JAZF1: variants seen among roughly 807,000 people sequenced by gnomAD.
JAZF1 encodes the protein juxtaposed with another zinc finger protein 1.
Under a neutral mutation model 26.4 loss-of-function variants are expected in JAZF1, and 8 were observed. The observed-to-expected ratio is 0.30, with a 90% CI of 0.18 to 0.55. The LOEUF (loss-of-function observed/expected upper bound fraction) is 0.55. Ranked by LOEUF, JAZF1 falls within the 20% of genes least tolerant of loss-of-function variation. JAZF1 has a pLI of 0.94. For synonymous variants in JAZF1, 126 were observed against 122.3 expected (o/e 1.03, Z -0.20); for missense variants, 199 against 322.0 (o/e 0.62, Z 2.92).
Position 27,897,742 on chromosome 7 carries a change from C to T in JAZF1, c.189-2326G>A, listed in dbSNP as rs938464783. The stretch of plus-strand genomic sequence containing the variant: ...TTCAAGAGCTTTGGCTCCTATGGGG[C>T]GTGAGGCTCTTCTACCAGGATAGCT... On this transcript the variant is annotated intron_variant, in intron 2 of 4. Transcript: ENST00000283928. 8.5e-5 allele frequency among the ~76,000 whole-genome samples: 13 copies of T among 152,190 alleles called. No individual in the cohort carries two copies. The South Asian group carries it at 1.7e-3, about 19-fold the overall frequency.
At chr7:27,875,653 G>C (rs1450985299) in intron 3 of JAZF1, among the ~76,000 whole-genome samples, 1 of 152,184 alleles carries the variant, frequency 6.6e-6, no homozygotes, top group Non-Finnish European at 1.5e-5. Context: ...GGCTAGGCAG[G>C]TGCCTGCCCT....
chr7:28,090,734 A>G (rs1784280272), intron 1 of JAZF1, among the ~76,000 whole-genome samples: 2 of 151,948 alleles, frequency 1.3e-5, no homozygotes, highest in South Asian at 2.1e-4. Context: ...CCGACTTTTA[A>G]CCACACCTCC....
At chr7:27,881,096 A>T (rs1783763336) in intron 3 of JAZF1, among the ~76,000 whole-genome samples, 1 of 152,158 alleles carries the variant, frequency 6.6e-6, no homozygotes, top group Admixed American at 6.5e-5. Flanking sequence ...TTTTTCTTTG[A>T]TTTAAAGAAA....
At chr7:27,882,282 A>G (rs560088111) in intron 3 of JAZF1, among the ~76,000 whole-genome samples, 4 of 152,018 alleles carry the variant, frequency 2.6e-5, no homozygotes, top group Non-Finnish European at 5.9e-5. Flanking sequence ...TATGTGTTCC[A>G]TACCAAGCAG....
At chr7:27,996,658 G>A (rs1334408957) in intron 1 of JAZF1, among the ~76,000 whole-genome samples, 1 of 152,182 alleles carries the variant, frequency 6.6e-6, no homozygotes, top group Non-Finnish European at 1.5e-5. Context: ...ACAACATTCC[G>A]TGTGGAGTTT....
At chr7:28,052,376 T>C (rs556848067) in intron 1 of JAZF1, among the ~76,000 whole-genome samples, 3 of 152,380 alleles carry the variant, frequency 2.0e-5, no homozygotes, top group African/African-American at 7.2e-5. Context: ...TTTGAGTTTC[T>C]GGAGTCAGTT....
At chr7:28,143,914 C>A (rs1782991359) in intron 1 of JAZF1, among the ~76,000 whole-genome samples, 1 of 152,174 alleles carries the variant, frequency 6.6e-6, no homozygotes, top group African/African-American at 2.4e-5. Flanking sequence ...AATCAATTTT[C>A]ATTTCGTGCT....
At position 27,832,558 on chromosome 7, in the gene JAZF1, C is replaced by CT. The variant is rs1177944178; in HGVS notation, c.*241dup. On this transcript the variant is annotated 3_prime_UTR_variant, in exon 5 of 5. Coordinates refer to ENST00000283928, the MANE Select transcript of JAZF1 (RefSeq NM_175061.4). ...GGGAAATGTGCTGAAGAACCTAGAG[C>CT]TTTTTTTGTTTAGCACCTTATATCA... 3.2e-6 allele frequency: 1 copy of CT among 309,990 alleles called. No homozygotes were observed. Among genetic ancestry groups the CT allele is most frequent in the Non-Finnish European group, 5.9e-6 (1 of 168,260 alleles). 19.2% of individuals were successfully genotyped at this position (309,990 alleles called of 1,614,324 possible).
At chr7:27,906,085 C>CCACTTTTTTAAACCAGTAGTA (rs1784251164) in intron 2 of JAZF1, among the ~76,000 whole-genome samples, 4 of 152,142 alleles carry the variant, frequency 2.6e-5, no homozygotes, top group African/African-American at 9.7e-5. Flanking sequence ...CCAAACAGAA[C>CCACTTTTTTAAACCAGTAGTA]TCTTAAATTT....
intron 3 of JAZF1, among the ~76,000 whole-genome samples, chr7:27,872,479 G>A (rs1220075902): frequency 6.6e-6 from 1 of 152,180 alleles, no homozygotes; most frequent in African/African-American, 2.4e-5. Flanking sequence ...GTGCTCTGTG[G>A]CAAGGGCAGC....
chr7:27,930,742 A>G (rs1019102710), intron 2 of JAZF1, among the ~76,000 whole-genome samples: 3 of 152,142 alleles, frequency 2.0e-5, no homozygotes, highest in Non-Finnish European at 4.4e-5. Flanking sequence ...TATAATCTAA[A>G]TTTTGCATTC....
chr7:28,015,033 ATGTGTG>A (rs397804972), intron 1 of JAZF1, among the ~76,000 whole-genome samples: 44 of 140,774 alleles, frequency 3.1e-4, no homozygotes, highest in African/African-American at 1.2e-3. Context: ...GAAAGTGTGT[ATGTGTG>A]TGTGTGTGTG....
intron 1 of JAZF1, among the ~76,000 whole-genome samples, chr7:28,047,151 T>C (rs1046831021): frequency 6.6e-6 from 1 of 152,182 alleles, no homozygotes; most frequent in African/African-American, 2.4e-5. Context: ...CAACACTATA[T>C]ATTAAATATC....
chr7:28,151,761 A>G (rs1783114960), intron 1 of JAZF1, among the ~76,000 whole-genome samples: 1 of 152,062 alleles, frequency 6.6e-6, no homozygotes, highest in African/African-American at 2.4e-5. Context: ...ATTGCACTCC[A>G]GCCTGGACAA....
intron 1 of JAZF1, among the ~76,000 whole-genome samples, chr7:28,095,470 C>T (rs1286176527): frequency 6.6e-6 from 1 of 152,088 alleles, no homozygotes; most frequent in African/African-American, 2.4e-5. Context: ...AGAACTAACT[C>T]ACTATCATGA....
At chr7:28,093,012 C>T (rs919700105) in intron 1 of JAZF1, among the ~76,000 whole-genome samples, 2 of 152,134 alleles carry the variant, frequency 1.3e-5, no homozygotes, top group African/African-American at 4.8e-5. Context: ...GTTCTAGTTG[C>T]CATGTGCACT....
intron 1 of JAZF1, among the ~76,000 whole-genome samples, chr7:27,995,781 G>A (rs1260398123): frequency 6.6e-6 from 1 of 152,116 alleles, no homozygotes; most frequent in Non-Finnish European, 1.5e-5. Flanking sequence ...GCTTTCTGTA[G>A]CTCCTGTGGT....
intron 1 of JAZF1, among the ~76,000 whole-genome samples, chr7:28,067,888 T>A (rs1036874164): frequency 1.3e-5 from 2 of 152,090 alleles, no homozygotes; most frequent in Non-Finnish European, 2.9e-5. Context: ...TCCTTTCCCG[T>A]CTCCTTCTGC....
chr7:27,849,946 G>A (rs1783112833), intron 3 of JAZF1, among the ~76,000 whole-genome samples: 1 of 152,040 alleles, frequency 6.6e-6, no homozygotes, highest in Non-Finnish European at 1.5e-5. Flanking sequence ...CCTTACCCGT[G>A]GAGATGGCCC....
Sources: gnomAD v4.1 joint callset for allele counts (sites outside exome capture counted in the v4.1 genomes callset) on GRCh38, gnomAD v4.1.1 for gene constraint, MANE v1.5 for transcripts, NCBI Gene and HGNC (gene_info 2026-07-23, HGNC 2026-07-21) for gene names.